TRERF1: variants seen among roughly 807,000 people sequenced by gnomAD.
The protein encoded by TRERF1 is transcriptional regulating factor 1.
In TRERF1, 27 loss-of-function variants were observed where a neutral mutation model predicts 122.9. The observed-to-expected ratio is 0.22, with a 90% CI of 0.16 to 0.30. The LOEUF is 0.30. Among genes scored for constraint, TRERF1 ranks in the 10% least tolerant of loss-of-function variants. The probability of loss-of-function intolerance (pLI) is 1.00; values close to 1 mark genes in which losing one functional copy is unlikely to be tolerated. For synonymous variants in TRERF1, 636 were observed against 641.7 expected, an observed-to-expected ratio of 0.99 and a Z score of 0.13; for missense variants, 1,248 against 1,560.3, an observed-to-expected ratio of 0.80 and a Z score of 3.37.
At chr6:42,301,015 A>T (rs972605709) in intron 3 of TRERF1, among the ~76,000 whole-genome samples, 2 of 145,522 alleles carry the variant, frequency 1.4e-5, no homozygotes, top group African/African-American at 5.6e-5. Flanking sequence ...AGAGAGAGAG[A>T]GACAGACAGA....
chr6:42,324,391 T>A (rs1036214009), intron 3 of TRERF1, among the ~76,000 whole-genome samples: 2 of 152,178 alleles, frequency 1.3e-5, no homozygotes, highest in African/African-American at 2.4e-5. Context: ...TTCACAGAAT[T>A]TGAAAAAACT....
Position 42,232,993 on chromosome 6 carries a change from T to A in TRERF1, c.3067-101A>T. The A allele has an allele frequency of 1.4e-6, 2 of 1,446,626 alleles. No homozygotes were observed. Among genetic ancestry groups the A allele is most frequent in the Non-Finnish European group, 1.8e-6 (2 of 1,095,184 alleles). The allele number at this position is 1,446,626 out of a possible 1,614,324, so 89.6% of individuals were successfully genotyped here. A position where few individuals can be genotyped will look rare whatever the true frequency, so the allele number is the denominator to read the frequency against. Reference sequence around the variant, plus strand: ...ACATGGAATACTTGAAACTGTCTAATGACAGGGCACAAGGGTTTTATATAA... The same window carrying A: ...ACATGGAATACTTGAAACTGTCTAAAGACAGGGCACAAGGGTTTTATATAA... On this transcript the variant is annotated intron_variant, in intron 16 of 17. Transcript: ENST00000372922. This position sits in a 1 kb window ranked among gnomAD's most constrained non-coding sequence, Gnocchi z 4.5.
intron 2 of TRERF1, among the ~76,000 whole-genome samples, chr6:42,438,755 T>C (rs1001459152): frequency 6.6e-6 from 1 of 152,204 alleles, no homozygotes; most frequent in African/African-American, 2.4e-5. Context: ...GCCCCAAAAG[T>C]GTCCTCACAG....
At position 42,269,036 on chromosome 6, in the gene TRERF1, C is replaced by T; in HGVS notation, c.555G>A (p.Leu185=). ...CTGGGGGCTCCATGGGCTTCTGAGA[C>T]AGCAGCTGGCGGAGAGCACTGTCAG... Residue 185 remains leucine (L), a synonymous_variant, in exon 5 of 18, where the codon CTG becomes CTA. Coordinates refer to ENST00000372922, the Ensembl canonical transcript of TRERF1. This position sits in a 1 kb window ranked among gnomAD's most constrained non-coding sequence, Gnocchi z 4.9. The T allele has an allele frequency of 6.2e-7, 1 of 1,614,132 alleles. No individual in the cohort carries two copies. The highest frequency in any genetic ancestry group is 8.5e-7 in the Non-Finnish European group (1 of 1,179,996).
At chr6:42,417,259 T>C (rs1384523975) in intron 2 of TRERF1, among the ~76,000 whole-genome samples, 1 of 152,054 alleles carries the variant, frequency 6.6e-6, no homozygotes, top group Non-Finnish European at 1.5e-5. Flanking sequence ...CCCATTCCCC[T>C]CTCAGTGGAG....
chr6:42,444,092 G>A (rs1484542083), intron 2 of TRERF1, among the ~76,000 whole-genome samples: 2 of 151,054 alleles, frequency 1.3e-5, no homozygotes, highest in African/African-American at 4.9e-5. Context: ...CACCTCCCAT[G>A]CAGACCCCAT....
At chr6:42,375,003 CAAAAA>C (rs55696342) in intron 2 of TRERF1, among the ~76,000 whole-genome samples, 1 of 87,512 alleles carries the variant, frequency 1.1e-5, no homozygotes, top group African/African-American at 4.3e-5. Context: ...AAGATTCTGT[CAAAAA>C]AAAAAAAAAA....
chr6:42,307,246 T>C (rs556233607), intron 3 of TRERF1, among the ~76,000 whole-genome samples: 11 of 152,150 alleles, frequency 7.2e-5, no homozygotes, highest in Admixed American at 3.3e-4. Context: ...AAAACCCTCA[T>C]TGTTAAAGAG....
At chr6:42,411,394 G>A (rs1781073839) in intron 2 of TRERF1, among the ~76,000 whole-genome samples, 1 of 152,162 alleles carries the variant, frequency 6.6e-6, no homozygotes. Flanking sequence ...ACCACACCTG[G>A]TTATCACTAA....
chr6:42,272,753 C>G (rs566903385), intron 4 of TRERF1, among the ~76,000 whole-genome samples: 16 of 152,296 alleles, frequency 1.1e-4, no homozygotes, highest in African/African-American at 3.6e-4. Flanking sequence ...CTCTGGCCCA[C>G]TGGGGCTTAT....
At chr6:42,285,060 A>G (rs549953764) in intron 4 of TRERF1, among the ~76,000 whole-genome samples, 418 of 152,230 alleles carry the variant, frequency 2.7e-3, no homozygotes, top group Non-Finnish European at 5.3e-3. Flanking sequence ...GAATCTGTAA[A>G]TTACCTTGAG....
At position 42,228,931 on chromosome 6, in the gene TRERF1, T is replaced by C. The variant is rs115284023; in HGVS notation, c.3279-262A>G. Among the ~76,000 whole-genome samples, 1 of 152,224 alleles carries C rather than the reference T, an allele frequency of 6.6e-6. No homozygotes were observed. The highest frequency in any genetic ancestry group is 1.5e-5 in the Non-Finnish European group (1 of 68,034). ...GGAGGAGGAATTCTCAAAGGCCTCC[T>C]GTCCACCTGGAGTCTGGAGCACAGG... On this transcript the variant is annotated intron_variant, in intron 17 of 17. Coordinates refer to ENST00000372922, the Ensembl canonical transcript of TRERF1. The surrounding 1 kb of genome is among the most constrained non-coding windows in gnomAD (Gnocchi z 4.2).
rs912250690 is a variant in TRERF1 at position 42,258,249 on chromosome 6, GAAAA to G, written c.2270-52_2270-49del. Reference sequence around the variant, plus strand: ...CACTAGTCAACAGGGAAGGAATGTTGAAAAAGACTAAAGCAAATGAGCAGTTACC... The same window carrying G: ...CACTAGTCAACAGGGAAGGAATGTTGAGACTAAAGCAAATGAGCAGTTACC... On this transcript the variant is annotated intron_variant, in intron 9 of 17. Transcript: ENST00000372922. 8.3e-6 allele frequency: 13 copies of G among 1,566,858 alleles called. No individual in the cohort carries two copies. The African/African-American group carries it at 1.6e-4, about 20-fold the overall frequency.
In TRERF1 at chr6:42,275,713, TG is replaced by T. The variant is rs1406775853; in HGVS notation, c.-258-5866del. On this transcript the variant is annotated intron_variant, in intron 4 of 17. Coordinates refer to ENST00000372922, the Ensembl canonical transcript of TRERF1. The surrounding 1 kb of genome is among the most constrained non-coding windows in gnomAD (Gnocchi z 4.1). Reference sequence around the variant, plus strand: ...AGGGACAGAATTTACTAGTTTCTGTTGAGGGCATAGTGCCCTAAAGCACCAA... The same window carrying T: ...AGGGACAGAATTTACTAGTTTCTGTTAGGGCATAGTGCCCTAAAGCACCAA... 1.8e-4 allele frequency among the ~76,000 whole-genome samples: 28 copies of T among 152,340 alleles called. No individual in the cohort carries two copies. The highest frequency in any genetic ancestry group is 6.7e-4 in the African/African-American group (28 of 41,558).
intron 3 of TRERF1, among the ~76,000 whole-genome samples, chr6:42,328,004 CTTTT>C (rs36069546): frequency 5.6e-5 from 6 of 107,990 alleles, no homozygotes; most frequent in East Asian, 2.4e-4. Context: ...TTCTTTCTTT[CTTTT>C]TTTTTTTTTT....
intron 4 of TRERF1, among the ~76,000 whole-genome samples, chr6:42,277,571 C>A (rs1428559937): frequency 6.6e-6 from 1 of 152,156 alleles, no homozygotes; most frequent in Non-Finnish European, 1.5e-5. Context: ...TTGGAAAAAG[C>A]TGAGAGTGGT....
At chr6:42,308,195 G>A (rs922497685) in intron 3 of TRERF1, among the ~76,000 whole-genome samples, 1 of 152,170 alleles carries the variant, frequency 6.6e-6, no homozygotes, top group African/African-American at 2.4e-5. Context: ...TATTCACAGA[G>A]CTGAAAAGGT....
chr6:42,263,167 A>G lies in TRERF1; in HGVS notation c.1884+153T>C. The G allele has an allele frequency of 7.1e-7, 1 of 1,409,688 alleles. No homozygotes were observed. The highest frequency in any genetic ancestry group is 1.7e-5 in the South Asian group (1 of 58,408). 87.3% of individuals were successfully genotyped at this position (1,409,688 alleles called of 1,614,324 possible). A position where few individuals can be genotyped will look rare whatever the true frequency, so the allele number is the denominator to read the frequency against. Reference sequence around the variant, plus strand: ...GCCCTGAGAGACCAAGCCGTATCCAAGCTCAGGTCAGTGACTCTGGAAGGG... The same window carrying G: ...GCCCTGAGAGACCAAGCCGTATCCAGGCTCAGGTCAGTGACTCTGGAAGGG... On this transcript the variant is annotated intron_variant, in intron 8 of 17. Transcript: ENST00000372922. This position sits in a 1 kb window ranked among gnomAD's most constrained non-coding sequence, Gnocchi z 5.6.
At chr6:42,345,255 C>G (rs1438260459) in intron 3 of TRERF1, among the ~76,000 whole-genome samples, 3 of 152,228 alleles carry the variant, frequency 2.0e-5, no homozygotes, top group African/African-American at 7.2e-5. Flanking sequence ...TTTACAAACA[C>G]TATGTACTAT....
Sources: allele counts gnomAD v4.1 joint callset (sites outside exome capture counted in the v4.1 genomes callset), GRCh38; gene constraint gnomAD v4.1.1; non-coding constraint Gnocchi (gnomAD v3.1); transcripts MANE v1.5; gene names NCBI Gene and HGNC (gene_info 2026-07-23, HGNC 2026-07-21).